The following MRPS35 variants were observed in gnomAD, a reference collection of about 807,000 sequenced individuals.
MRPS35 encodes the protein mitochondrial ribosomal protein S35.
Under a neutral mutation model 32.7 loss-of-function variants are expected in MRPS35, and 29 were observed. The ratio of observed to expected loss-of-function variants is 0.89; its 90% CI spans 0.66 to 1.21. The LOEUF is 1.21. Among genes scored for constraint, MRPS35 ranks in the 50% most tolerant of loss-of-function variants. MRPS35 has a pLI of 0.00. For synonymous variants in MRPS35, 148 were observed against 139.3 expected, an observed-to-expected ratio of 1.06 and a Z score of -0.44; for missense variants, 373 against 383.8, an observed-to-expected ratio of 0.97 and a Z score of 0.23.
chr12:27,743,068 C>T (rs943287598), intron 7 of MRPS35, among the ~76,000 whole-genome samples: 7 of 151,744 alleles, frequency 4.6e-5, no homozygotes, highest in Non-Finnish European at 1.5e-5. Flanking sequence ...GCTCTGTTCA[C>T]CACACTGTTC....
chr12:27,716,338 T>A lies in MRPS35; in HGVS notation c.201T>A (p.Pro67=). ...AAATGGCTGTTGACCAGGACTGGCCTAGTGTTTACCCAGTTGCAGCACCAT... is the reference window on the plus strand; with the variant it reads ...AAATGGCTGTTGACCAGGACTGGCCAAGTGTTTACCCAGTTGCAGCACCAT... The part of the protein sequence containing the change: ...TEKMAVDQDW[P]SVYPVAAPFK... The change falls in exon 3 of 8, where the codon CCT becomes CCA. Residue 67 remains proline (P), a synonymous_variant. Coordinates refer to ENST00000081029, the MANE Select transcript of MRPS35 (RefSeq NM_021821.4). The A allele has an allele frequency of 6.2e-7, 1 of 1,614,134 alleles. No homozygotes were observed. Among genetic ancestry groups the A allele is most frequent in the South Asian group, 1.1e-5 (1 of 91,066 alleles).
At chr12:27,712,381 T>C (rs1566045789) in intron 1 of MRPS35, among the ~76,000 whole-genome samples, 1 of 152,190 alleles carries the variant, frequency 6.6e-6, no homozygotes, top group Non-Finnish European at 1.5e-5. Context: ...GGTTTTATAT[T>C]GAAAGGCTTG....
chr12:27,738,381 G>A (rs530504044), intron 7 of MRPS35, among the ~76,000 whole-genome samples: 1 of 152,106 alleles, frequency 6.6e-6, no homozygotes, highest in African/African-American at 2.4e-5. Flanking sequence ...AAAAAGTTTT[G>A]GATTTTCAAG....
chr12:27,710,873 G>A lies in MRPS35; in HGVS notation c.30G>A (p.Leu10=), dbSNP rs1445793670. MAAAALPAW[L]SLQSRARTLR... is the part of the protein sequence containing the mutation. ...CGGCCGCCGCGCTCCCAGCATGGCT[G>A]TCTCTGCAGTCGAGGGCAAGGACTC... Residue 10 remains leucine (L), a synonymous_variant, in exon 1 of 8, where the codon CTG becomes CTA. Transcript: ENST00000081029. 6.2e-7 allele frequency: 1 copy of A among 1,611,032 alleles called. No homozygotes were observed. Among genetic ancestry groups the A allele is most frequent in the South Asian group, 1.1e-5 (1 of 91,070 alleles).
chr12:27,751,535 C>T (rs1004807096), intron 7 of MRPS35, among the ~76,000 whole-genome samples: 1 of 152,108 alleles, frequency 6.6e-6, no homozygotes, highest in Admixed American at 6.5e-5. Flanking sequence ...GCGGTTTGCT[C>T]CGGCTGTGTG....
chr12:27,730,873 C>G (rs4931361), intron 5 of MRPS35, among the ~76,000 whole-genome samples: 112,291 of 152,040 alleles, frequency 0.74, 42,122 homozygotes, highest in African/African-American at 0.86. Flanking sequence ...TACCCATACT[C>G]TACTCTTTAG....
At chr12:27,719,672 CAAAA>C in intron 3 of MRPS35, 132 bp from the exon 4 acceptor site, 8 of 407,780 alleles carry the variant, frequency 2.0e-5, no homozygotes, top group Non-Finnish European at 2.5e-5. Flanking sequence ...GACTCTGTCT[CAAAA>C]AAAAAAAAAA....
chr12:27,717,394 CTTTG>C, intron 3 of MRPS35, among the ~76,000 whole-genome samples: 1 of 152,104 alleles, frequency 6.6e-6, no homozygotes, highest in Non-Finnish European at 1.5e-5. Context: ...AAGGCAAATG[CTTTG>C]TTTGATAGCA....
chr12:27,734,083 T>C (rs1182154605), intron 5 of MRPS35, among the ~76,000 whole-genome samples: 8 of 152,200 alleles, frequency 5.3e-5, no homozygotes, highest in Admixed American at 5.2e-4. Context: ...TACAGAGTTA[T>C]TGAAGCTACA....
chr12:27,753,365 C>T (rs1484261202), intron 7 of MRPS35, among the ~76,000 whole-genome samples: 2 of 149,032 alleles, frequency 1.3e-5, no homozygotes, highest in Non-Finnish European at 3.0e-5. Flanking sequence ...GTGTTGTCCC[C>T]AGTGGCCTAT....
At chr12:27,751,008 C>T (rs1161801738) in intron 7 of MRPS35, among the ~76,000 whole-genome samples, 3 of 133,364 alleles carry the variant, frequency 2.2e-5, no homozygotes, top group East Asian at 5.1e-4. Flanking sequence ...GGGGCTGAGG[C>T]GGGAGAATTG....
intron 7 of MRPS35, among the ~76,000 whole-genome samples, chr12:27,751,127 GAA>G (rs1360979683): frequency 1.1e-5 from 1 of 89,600 alleles, no homozygotes; most frequent in East Asian, 3.5e-4. Flanking sequence ...AAAAAAAAAA[GAA>G]AAGAAAAGAA....
In MRPS35 at chr12:27,755,449, G is replaced by T; in HGVS notation, c.971G>T (p.Ter324LeuextTer4). 6.5e-7 allele frequency: 1 copy of T among 1,537,842 alleles called. No homozygotes were observed. The highest frequency in any genetic ancestry group is 1.3e-5 in the South Asian group (1 of 76,118). ...GTGAAGAGACTATTAAATGTGACATGAATTATGGAGTAGAAAAATCTGCTT... is the reference window on the plus strand; with the variant it reads ...GTGAAGAGACTATTAAATGTGACATTAATTATGGAGTAGAAAAATCTGCTT... ...ESVKRLLNVT[*>L] The change falls in exon 8 of 8, where the codon TGA becomes TTA. Residue 324 changes from the stop codon to leucine, a stop_lost. Coordinates refer to ENST00000081029, the MANE Select transcript of MRPS35 (RefSeq NM_021821.4).
intron 5 of MRPS35, chr12:27,725,583 TA>T (rs1176190924): frequency 6.9e-5 from 18 of 261,580 alleles, no homozygotes; most frequent in Admixed American, 2.1e-4. Flanking sequence ...GCAGGAAATG[TA>T]AAAAAATATA....
chr12:27,725,003 A>G (rs1388170379), intron 5 of MRPS35, among the ~76,000 whole-genome samples: 1 of 152,162 alleles, frequency 6.6e-6, no homozygotes, highest in Non-Finnish European at 1.5e-5. Context: ...TGTGGCCTCC[A>G]ATTTCTGGGT....
intron 5 of MRPS35, among the ~76,000 whole-genome samples, chr12:27,730,550 G>A (rs904481597): frequency 6.6e-6 from 1 of 152,140 alleles, no homozygotes; most frequent in Non-Finnish European, 1.5e-5. Context: ...CCCAGGCTCT[G>A]GTGATCCTCC....
At chr12:27,738,263 G>A (rs975250394) in intron 7 of MRPS35, among the ~76,000 whole-genome samples, 4 of 152,196 alleles carry the variant, frequency 2.6e-5, no homozygotes, top group East Asian at 1.9e-4. Context: ...ATAGCCTAAA[G>A]GTAATTTTAC....
intron 7 of MRPS35, among the ~76,000 whole-genome samples, chr12:27,741,039 G>C (rs61915368): frequency 1.3e-5 from 2 of 151,928 alleles, no homozygotes; most frequent in Non-Finnish European, 2.9e-5. Context: ...ATGGTGGTGG[G>C]TGCCTGTAGT....
intron 7 of MRPS35, 88 bp downstream of exon 7, chr12:27,737,696 C>A: frequency 9.4e-7 from 1 of 1,061,740 alleles, no homozygotes; most frequent in South Asian, 1.4e-5. Context: ...AAGTACTCAA[C>A]TGAGTATTTT....
Sources: gnomAD v4.1 joint callset for allele counts (sites outside exome capture counted in the v4.1 genomes callset) on GRCh38, gnomAD v4.1.1 for gene constraint, MANE v1.5 for transcripts, NCBI Gene and HGNC (gene_info 2026-07-23, HGNC 2026-07-21) for gene names.